Variants in GTF2B observed in about 807,000 individuals in gnomAD.
The protein encoded by GTF2B is general transcription factor IIB.
GTF2B carries 20 observed loss-of-function variants against 34.6 expected under a neutral mutation model. The ratio of observed to expected loss-of-function variants is 0.58; its 90% CI spans 0.41 to 0.84. The LOEUF is 0.84. GTF2B is among the 40% of genes least tolerant of loss of function. The pLI, the probability that GTF2B is intolerant of heterozygous loss-of-function variation, is 0.00. For synonymous variants in GTF2B, 142 were observed against 132.4 expected (o/e 1.07, Z -0.50); for missense variants, 237 against 393.3 (o/e 0.60, Z 3.36).
chr1:88,874,998 T>C (rs1011011472), intron 2 of GTF2B, among the ~76,000 whole-genome samples: 3 of 152,198 alleles, frequency 2.0e-5, no homozygotes, highest in Non-Finnish European at 4.4e-5. Context: ...AGTCTAATGT[T>C]GATGATGAAA....
At chr1:88,876,328 T>C (rs975474291) in intron 2 of GTF2B, among the ~76,000 whole-genome samples, 2 of 152,082 alleles carry the variant, frequency 1.3e-5, no homozygotes, top group Admixed American at 6.6e-5. Flanking sequence ...TGACATGCTA[T>C]GAAATGTGGC....
Position 88,891,530 on chromosome 1 carries a change from A to T in GTF2B, c.-31T>A. 6.3e-7 allele frequency: 1 copy of T among 1,592,346 alleles called. No individual in the cohort carries two copies. Among genetic ancestry groups the T allele is most frequent in the Non-Finnish European group, 8.6e-7 (1 of 1,165,960 alleles). ...CGGCGACTGCGGTGCCCGCAACAAG[A>T]CACAACAGACACACCGAAAGCAGGA... On this transcript the variant is annotated 5_prime_UTR_variant, in exon 1 of 7. Transcript: ENST00000370500.
chr1:88,855,359 G>GTT (rs750561898), intron 6 of GTF2B, among the ~76,000 whole-genome samples: 1,398 of 124,110 alleles, frequency 0.011, 30 homozygotes, highest in African/African-American at 0.037. Context: ...TTCTGTTTTT[G>GTT]TTTTTTTTTT....
At position 88,852,710 on chromosome 1, in the gene GTF2B, T is replaced by C. The variant is rs1440664758; in HGVS notation, c.*503A>G. Among the ~76,000 whole-genome samples the C allele has an allele frequency of 6.9e-6, 1 of 144,970 alleles. No homozygotes were observed. The highest frequency in any genetic ancestry group is 1.9e-4 in the East Asian group (1 of 5,158). The stretch of plus-strand genomic sequence containing the variant: ...AAGCTCATCACTTCTTGTTTAATAA[T>C]ATACATAATAAATCTCACATACACA... On this transcript the variant is annotated 3_prime_UTR_variant, in exon 7 of 7. Transcript: ENST00000370500.
intron 5 of GTF2B, among the ~76,000 whole-genome samples, chr1:88,858,044 C>T (rs12143830): frequency 0.5 from 75,583 of 151,542 alleles, 19,852 homozygotes; most frequent in Middle Eastern, 0.69. Flanking sequence ...TTCACTCTGT[C>T]GTCCAGACTG....
chr1:88,862,567 T>C (rs537075872), intron 3 of GTF2B, among the ~76,000 whole-genome samples: 7 of 152,148 alleles, frequency 4.6e-5, no homozygotes, highest in South Asian at 2.1e-4. Flanking sequence ...CTATACAGGG[T>C]TCGGCATGGT....
intron 2 of GTF2B, among the ~76,000 whole-genome samples, chr1:88,881,507 G>C (rs1293124992): frequency 6.6e-6 from 1 of 151,962 alleles, no homozygotes. Context: ...GTTCAATTTA[G>C]GTATTTCCAA....
chr1:88,886,709 T>G (rs1332697368), intron 2 of GTF2B, among the ~76,000 whole-genome samples: 1 of 152,188 alleles, frequency 6.6e-6, no homozygotes, highest in Non-Finnish European at 1.5e-5. Context: ...ACTGGGGCCT[T>G]TTCGTTTCTT....
chr1:88,876,785 G>A (rs2100975208), intron 2 of GTF2B, among the ~76,000 whole-genome samples: 1 of 152,294 alleles, frequency 6.6e-6, no homozygotes, highest in Non-Finnish European at 1.5e-5. Context: ...AGATGTATCT[G>A]TCTTTCATGG....
At position 88,859,895 on chromosome 1, in the gene GTF2B, A is replaced by G; in HGVS notation, c.522T>C (p.Pro174=). Residue 174 remains proline, a synonymous_variant, in exon 5 of 7, where the codon CCT becomes CCC. Transcript: ENST00000370500. ...LYIACRQEGV[P]RTFKEICAVS... ...CTAAAAACTTACCTTTAAATGTCCT[A>G]GGAACCCCTTCTTGTCTACAGGCAA... 1 of 1,613,036 alleles carries G rather than the reference A, an allele frequency of 6.2e-7. No individual in the cohort carries two copies. Among genetic ancestry groups the G allele is most frequent in the Non-Finnish European group, 8.5e-7 (1 of 1,179,474 alleles).
At chr1:88,863,730 G>A (rs1188019250) in intron 3 of GTF2B, among the ~76,000 whole-genome samples, 2 of 152,162 alleles carry the variant, frequency 1.3e-5, no homozygotes, top group East Asian at 3.9e-4. Flanking sequence ...TTTTTTGTGT[G>A]TACAGAAAAT....
At chr1:88,885,048 T>C (rs1016628994) in intron 2 of GTF2B, among the ~76,000 whole-genome samples, 4 of 152,250 alleles carry the variant, frequency 2.6e-5, no homozygotes, top group African/African-American at 7.2e-5. Flanking sequence ...GCTGCACATG[T>C]GGTTTCTGTT....
At chr1:88,887,099 A>T (rs554151806) in intron 2 of GTF2B, among the ~76,000 whole-genome samples, 162 bp downstream of exon 2, 2 of 151,954 alleles carry the variant, frequency 1.3e-5, no homozygotes, top group Non-Finnish European at 2.9e-5. Context: ...TTGTATTTTC[A>T]GTAGAGATGG....
At chr1:88,879,951 C>A (rs1673897374) in intron 2 of GTF2B, among the ~76,000 whole-genome samples, 1 of 151,778 alleles carries the variant, frequency 6.6e-6, no homozygotes. Flanking sequence ...CCCTGCTACT[C>A]CGGAGGCTGA....
intron 1 of GTF2B, among the ~76,000 whole-genome samples, chr1:88,889,054 T>C (rs945390695): frequency 6.6e-6 from 1 of 152,160 alleles, no homozygotes; most frequent in Non-Finnish European, 1.5e-5. Context: ...AGGTAGTGAA[T>C]GGAGTTTAAA....
intron 2 of GTF2B, among the ~76,000 whole-genome samples, chr1:88,868,805 G>C (rs1046500209): frequency 6.6e-6 from 1 of 151,602 alleles, no homozygotes; most frequent in African/African-American, 2.4e-5. Context: ...GCTCAATCTC[G>C]GCTCACTGCA....
chr1:88,863,843 A>C, intron 3 of GTF2B, 138 bp downstream of exon 3: 2 of 709,354 alleles, frequency 2.8e-6, no homozygotes, highest in Non-Finnish European at 4.9e-6. Context: ...CATCATTCAC[A>C]ATGATATTAC....
At chr1:88,856,272 C>CAAAAAACAAAAAA (rs1673303138) in intron 6 of GTF2B, among the ~76,000 whole-genome samples, 1 of 50,042 alleles carries the variant, frequency 2.0e-5, no homozygotes, top group Admixed American at 3.5e-4. Context: ...GTTTCAAAAA[C>CAAAAAACAAAAAA]AAAAAAAAAA....
At chr1:88,890,607 C>CT (rs1185052520) in intron 1 of GTF2B, among the ~76,000 whole-genome samples, 8 of 152,170 alleles carry the variant, frequency 5.3e-5, no homozygotes, top group Admixed American at 3.3e-4. Flanking sequence ...ACTCTACACT[C>CT]TAACACGACT....
Sources: gnomAD v4.1 joint callset for allele counts (sites outside exome capture counted in the v4.1 genomes callset) on GRCh38, gnomAD v4.1.1 for gene constraint, MANE v1.5 for transcripts, NCBI Gene and HGNC (gene_info 2026-07-23, HGNC 2026-07-21) for gene names.